ADRA1B: variants seen among roughly 807,000 people sequenced by gnomAD.
ADRA1B encodes the protein alpha-1B adrenergic receptor.
Under a neutral mutation model 17.9 loss-of-function variants are expected in ADRA1B, and 17 were observed. The observed-to-expected ratio is 0.95, with a 90% CI of 0.65 to 1.42. The LOEUF is 1.42. Ranked by LOEUF, ADRA1B falls within the 40% of genes most tolerant of loss-of-function variation. The probability of loss-of-function intolerance (pLI) is 0.00; values close to 1 mark genes in which losing one functional copy is unlikely to be tolerated. For synonymous variants in ADRA1B, 366 were observed against 327.6 expected (o/e 1.12, Z -1.27); for missense variants, 681 against 722.1 (o/e 0.94, Z 0.65).
chr5:159,930,269 T>G (rs1444829934), intron 1 of ADRA1B, among the ~76,000 whole-genome samples: 1 of 152,240 alleles, frequency 6.6e-6, no homozygotes, highest in Non-Finnish European at 1.5e-5. Context: ...GATTTGGTAT[T>G]TTAGGTTTAA....
intron 1 of ADRA1B, among the ~76,000 whole-genome samples, chr5:159,886,559 T>C (rs1444328905): frequency 6.6e-6 from 1 of 152,180 alleles, no homozygotes; most frequent in Non-Finnish European, 1.5e-5. Context: ...GTTCCAGGCC[T>C]AGAAAGAAAG....
chr5:159,986,798 A>G, the ADRA1B span, among the ~76,000 whole-genome samples: 1 of 152,170 alleles, frequency 6.6e-6, no homozygotes, highest in Non-Finnish European at 1.5e-5. Context: ...CGTTAGCCCC[A>G]TCGTAATTCC....
intron 1 of ADRA1B, among the ~76,000 whole-genome samples, chr5:159,928,880 C>T (rs992383582): frequency 5.3e-5 from 8 of 152,132 alleles, no homozygotes; most frequent in Non-Finnish European, 8.8e-5. Context: ...CCAACTGGAA[C>T]AGCAACAAAA....
intron 1 of ADRA1B, among the ~76,000 whole-genome samples, chr5:159,921,502 T>G (rs986290724): frequency 1.3e-5 from 2 of 152,164 alleles, no homozygotes; most frequent in African/African-American, 4.8e-5. Flanking sequence ...CTATTGAGGA[T>G]GTGCATTGCA....
intron 1 of ADRA1B, among the ~76,000 whole-genome samples, chr5:159,892,519 G>C (rs1423535197): frequency 1.3e-5 from 2 of 152,036 alleles, no homozygotes; most frequent in Non-Finnish European, 2.9e-5. Flanking sequence ...AGTGTGTGTT[G>C]TTACCCACCA....
At chr5:159,901,134 A>T (rs182889263) in intron 1 of ADRA1B, among the ~76,000 whole-genome samples, 193 of 151,874 alleles carry the variant, frequency 1.3e-3, no homozygotes, top group African/African-American at 4.6e-3. Flanking sequence ...AAGTAGGTAC[A>T]TTAACTTATA....
intron 1 of ADRA1B, among the ~76,000 whole-genome samples, chr5:159,930,451 A>G (rs1402866175): frequency 6.6e-6 from 1 of 152,192 alleles, no homozygotes; most frequent in African/African-American, 2.4e-5. Context: ...CAACATGGCA[A>G]AACCCCTTCT....
At chr5:159,880,335 C>T (rs1753850012) in intron 1 of ADRA1B, among the ~76,000 whole-genome samples, 1 of 152,236 alleles carries the variant, frequency 6.6e-6, no homozygotes. Flanking sequence ...CTTCCCCACA[C>T]CAGGCACTTA....
At chr5:159,934,244 A>T (rs1754887854) in intron 1 of ADRA1B, among the ~76,000 whole-genome samples, 1 of 152,136 alleles carries the variant, frequency 6.6e-6, no homozygotes, top group Non-Finnish European at 1.5e-5. Flanking sequence ...CTAAATCTAG[A>T]GGTGTTGGAA....
chr5:159,951,763 GGGAACAA>G (rs1284573505), intron 1 of ADRA1B, among the ~76,000 whole-genome samples: 7 of 152,280 alleles, frequency 4.6e-5, no homozygotes, highest in Admixed American at 3.9e-4. Flanking sequence ...GAGTGGTGAG[GGGAACAA>G]GGGCTGTTGT....
chr5:159,908,868 T>C (rs1019364299), intron 1 of ADRA1B, among the ~76,000 whole-genome samples: 7 of 152,168 alleles, frequency 4.6e-5, no homozygotes, highest in South Asian at 2.1e-4. Context: ...GGGGAAATAT[T>C]TGGGGCCCTC....
the ADRA1B span, among the ~76,000 whole-genome samples, chr5:159,989,128 C>T: frequency 6.6e-6 from 1 of 152,196 alleles, no homozygotes; most frequent in Non-Finnish European, 1.5e-5. Context: ...TTCACCACCT[C>T]TTCACCAACT....
chr5:159,869,060 T>C lies in ADRA1B; in HGVS notation c.-256+3854T>C, dbSNP rs1031870154. ...GCAGCAGAGATTAAACAACATATTG[T>C]AGAGAAAAACCAACTGAAATCGGGC... On this transcript the variant is annotated intron_variant, in intron 1 of 2. Transcript: ENST00000641205. 2.0e-5 allele frequency: 3 copies of C among 152,188 alleles called. No individual in the cohort carries two copies. In the East Asian group the frequency reaches 5.8e-4, roughly 29 times the overall value. The allele number at this position is 152,188 out of a possible 1,614,324, so 9.4% of individuals were successfully genotyped here.
intron 1 of ADRA1B, among the ~76,000 whole-genome samples, chr5:159,936,846 G>C (rs552011059): frequency 6.6e-6 from 1 of 152,304 alleles, no homozygotes; most frequent in Admixed American, 6.5e-5. Flanking sequence ...CTGCTTCTCT[G>C]ACTCACCCCA....
chr5:159,879,612 G>A (rs763891342), intron 1 of ADRA1B, among the ~76,000 whole-genome samples: 1 of 152,156 alleles, frequency 6.6e-6, no homozygotes, highest in Non-Finnish European at 1.5e-5. Flanking sequence ...TGCATGCTGT[G>A]TGCATTGTCT....
At chr5:159,959,548 A>T (rs1325681736) in intron 1 of ADRA1B, among the ~76,000 whole-genome samples, 1 of 152,256 alleles carries the variant, frequency 6.6e-6, no homozygotes, top group Non-Finnish European at 1.5e-5. Flanking sequence ...AGAGAAGAGC[A>T]GAGACTTTTA....
At chr5:159,939,335 G>GCGCGCA (rs1369737666) in intron 1 of ADRA1B, among the ~76,000 whole-genome samples, 4 of 116,488 alleles carry the variant, frequency 3.4e-5, no homozygotes, top group African/African-American at 1.1e-4. Context: ...GCGCGCGCGC[G>GCGCGCA]CACACAATGC....
chr5:159,979,313 C>G, the ADRA1B span, among the ~76,000 whole-genome samples: 1 of 152,194 alleles, frequency 6.6e-6, no homozygotes, highest in South Asian at 2.1e-4. Flanking sequence ...GGGCATGTCT[C>G]CTATCCTCTG....
the ADRA1B span, among the ~76,000 whole-genome samples, chr5:159,987,092 G>A: frequency 2.0e-5 from 3 of 152,214 alleles, no homozygotes; most frequent in African/African-American, 7.2e-5. Flanking sequence ...CCAGCGGCGG[G>A]GGAGCCGGGC....
Sources: gnomAD v4.1 joint callset for allele counts (sites outside exome capture counted in the v4.1 genomes callset) on GRCh38, gnomAD v4.1.1 for gene constraint, MANE v1.5 for transcripts, NCBI Gene and HGNC (gene_info 2026-07-23, HGNC 2026-07-21) for gene names.